Variants in INO80 observed in about 807,000 individuals in gnomAD.
INO80 encodes chromatin-remodeling ATPase INO80.
INO80 carries 20 observed loss-of-function variants against 203.4 expected under a neutral mutation model. The observed-to-expected ratio is 0.10, with a 90% CI of 0.07 to 0.14. The LOEUF is 0.14. INO80 is among the 10% of genes least tolerant of loss of function. The pLI is 1.00. For missense variants in INO80, 1,419 were observed against 1,914.4 expected, an observed-to-expected ratio of 0.74 and a Z score of 4.83; for synonymous variants, 726 against 685.2, an observed-to-expected ratio of 1.06 and a Z score of -0.93.
intron 1 of INO80, among the ~76,000 whole-genome samples, chr15:41,097,737 G>A (rs2140672193): frequency 6.6e-6 from 1 of 152,148 alleles, no homozygotes; most frequent in South Asian, 2.1e-4. Flanking sequence ...ACCTCCCAAA[G>A]TGCTACGATT....
At chr15:41,099,237 CAAAAAAA>C (rs71104771) in intron 1 of INO80, among the ~76,000 whole-genome samples, 245 of 21,014 alleles carry the variant, frequency 0.012, 1 homozygote, top group South Asian at 0.092. Flanking sequence ...GACCCTGTCT[CAAAAAAA>C]AAAAAAAAAA....
chr15:40,989,900 G>A (rs989981241), intron 29 of INO80, among the ~76,000 whole-genome samples: 1 of 152,112 alleles, frequency 6.6e-6, no homozygotes, highest in Non-Finnish European at 1.5e-5. Context: ...CTGTTTCTCT[G>A]AACTAGAATC....
In INO80 at chr15:41,005,670, C is replaced by T; in HGVS notation, c.3420G>A (p.Arg1140=). 6.3e-7 allele frequency: 1 copy of T among 1,598,976 alleles called. No individual in the cohort carries two copies. The highest frequency in any genetic ancestry group is 8.6e-7 in the Non-Finnish European group (1 of 1,166,744). ...CATCAAGCCTCATGTAGGTATGCTT[C>T]CTGTAAACCATGTATTCCTGCCAAC... is the stretch of plus-strand genomic sequence containing the variant. The part of the protein sequence containing the change: ...IDLLEEYMVY[R]KHTYMRLDGS... The change falls in exon 28 of 36, where the codon AGG becomes AGA. Residue 1140 remains arginine (R), a synonymous_variant. Transcript: ENST00000648947.
rs74997531 is a variant in INO80, at chr15:41,072,067, TAA to T, written c.1396-11_1396-10del. 11,673 of 1,115,296 alleles carry T rather than the reference TAA, an allele frequency of 0.01. No individual in the cohort carries two copies. The highest frequency in any genetic ancestry group is 0.011 in the South Asian group (657 of 57,616). The allele number at this position is 1,115,296 out of a possible 1,614,324, so 69.1% of individuals were successfully genotyped here. A position where few individuals can be genotyped will look rare whatever the true frequency, so the allele number is the denominator to read the frequency against. On this transcript the variant is annotated splice_polypyrimidine_tract_variant and intron_variant, in intron 11 of 35. Transcript: ENST00000648947. The stretch of plus-strand genomic sequence containing the variant: ...TCATCAAATGACCTTGTCTGGAAAG[TAA>T]AAAAAAAAAAAATTAGAAAAAAAAA...
At chr15:41,084,017 T>C (rs914005585) in intron 7 of INO80, among the ~76,000 whole-genome samples, 2 of 152,170 alleles carry the variant, frequency 1.3e-5, no homozygotes, top group Non-Finnish European at 2.9e-5. Context: ...ACATGGACTT[T>C]AGTATCAACT....
chr15:41,070,357 C>T, intron 13 of INO80, 110 bp downstream of exon 13: 1 of 959,268 alleles, frequency 1.0e-6, no homozygotes, highest in Non-Finnish European at 1.6e-6. Flanking sequence ...CCCAGTCCCA[C>T]TATCTTGGAA....
intron 1 of INO80, among the ~76,000 whole-genome samples, chr15:41,100,473 A>G (rs2045791697): frequency 6.6e-6 from 1 of 152,226 alleles, no homozygotes; most frequent in Non-Finnish European, 1.5e-5. Context: ...TTCTAGTCTT[A>G]CAATCCTCAA....
intron 17 of INO80, among the ~76,000 whole-genome samples, chr15:41,056,377 T>C (rs897156771): frequency 6.6e-6 from 1 of 152,236 alleles, no homozygotes; most frequent in Admixed American, 6.5e-5. Context: ...ATGTTTACAT[T>C]TTCTAATGTG....
chr15:41,107,970 C>T (rs2045905411), intron 1 of INO80, among the ~76,000 whole-genome samples: 6 of 151,844 alleles, frequency 4.0e-5, no homozygotes, highest in Admixed American at 3.9e-4. Flanking sequence ...CATGGTGGTG[C>T]ATGCCTGTAA....
intron 29 of INO80, among the ~76,000 whole-genome samples, chr15:40,991,036 G>C (rs2043810979): frequency 6.6e-6 from 1 of 152,094 alleles, no homozygotes; most frequent in Non-Finnish European, 1.5e-5. Context: ...TGGGTGGAGG[G>C]AGAGCCATAT....
At chr15:41,014,791 G>A (rs1171778885) in intron 27 of INO80, among the ~76,000 whole-genome samples, 1 of 152,100 alleles carries the variant, frequency 6.6e-6, no homozygotes, top group East Asian at 1.9e-4. Context: ...AATTCAACAA[G>A]CCAATCTTGG....
intron 1 of INO80, among the ~76,000 whole-genome samples, chr15:41,097,881 A>C (rs1375083534): frequency 6.6e-6 from 1 of 151,918 alleles, no homozygotes; most frequent in African/African-American, 2.4e-5. Flanking sequence ...TGAACCTGGG[A>C]GGCAGAAGTT....
intron 14 of INO80, among the ~76,000 whole-genome samples, chr15:41,068,014 C>A (rs2045249959): frequency 6.6e-6 from 1 of 152,194 alleles, no homozygotes; most frequent in Admixed American, 6.5e-5. Context: ...TCCCTGATCA[C>A]CCCCTACTTC....
At chr15:41,066,033 C>T (rs1261265240) in intron 14 of INO80, among the ~76,000 whole-genome samples, 7 of 145,704 alleles carry the variant, frequency 4.8e-5, no homozygotes, top group African/African-American at 1.8e-4. Context: ...GCTCTTGTTG[C>T]CCAGGCACAA....
intron 29 of INO80, among the ~76,000 whole-genome samples, chr15:40,996,167 A>C (rs923415564): frequency 1.3e-5 from 2 of 152,114 alleles, no homozygotes; most frequent in South Asian, 4.1e-4. Flanking sequence ...TTGATGTTCT[A>C]TATGTCAGAG....
At chr15:41,041,913 C>A (rs1596285006) in intron 24 of INO80, among the ~76,000 whole-genome samples, 1 of 149,012 alleles carries the variant, frequency 6.7e-6, no homozygotes, top group Non-Finnish European at 1.5e-5. Flanking sequence ...GGGTTCACTG[C>A]AGCCTTGACA....
intron 29 of INO80, among the ~76,000 whole-genome samples, chr15:40,991,832 G>A (rs1401127761): frequency 6.6e-6 from 1 of 151,778 alleles, no homozygotes; most frequent in Non-Finnish European, 1.5e-5. Context: ...GGAGTGCAGT[G>A]GCAAGATCTT....
chr15:40,982,110 T>A (rs1351525028), intron 35 of INO80, among the ~76,000 whole-genome samples: 1 of 152,216 alleles, frequency 6.6e-6, no homozygotes, highest in African/African-American at 2.4e-5. Context: ...TCATTGCTAT[T>A]ATACACTCAG....
chr15:41,000,022 C>T (rs1047327500), intron 28 of INO80, among the ~76,000 whole-genome samples: 1 of 151,970 alleles, frequency 6.6e-6, no homozygotes. Flanking sequence ...CATTTGAGCC[C>T]GAGTCCAAGG....
Sources: gnomAD v4.1 joint callset for allele counts (sites outside exome capture counted in the v4.1 genomes callset) on GRCh38, gnomAD v4.1.1 for gene constraint, MANE v1.5 for transcripts, NCBI Gene and HGNC (gene_info 2026-07-23, HGNC 2026-07-21) for gene names.